UNC13C: variants seen among roughly 807,000 people sequenced by gnomAD.
The protein encoded by UNC13C is unc-13 homolog C.
UNC13C carries 174 observed loss-of-function variants against 245.4 expected under a neutral mutation model. The observed-to-expected ratio is 0.71, with a 90% CI of 0.63 to 0.80. The LOEUF (loss-of-function observed/expected upper bound fraction) is 0.80. Ranked by LOEUF, UNC13C falls within the 30% of genes least tolerant of loss-of-function variation. UNC13C has a pLI of 0.00. For missense variants in UNC13C, 2,829 were observed against 2,602.9 expected (o/e 1.09, Z -1.89); for synonymous variants, 992 against 895.1 (o/e 1.11, Z -1.93).
At chr15:54,472,627 C>A (rs371551093) in intron 19 of UNC13C, among the ~76,000 whole-genome samples, 52 of 151,884 alleles carry the variant, frequency 3.4e-4, no homozygotes, top group African/African-American at 1.1e-3. Flanking sequence ...ATTTATCACT[C>A]CTTCCTTTTT....
intron 1 of UNC13C, among the ~76,000 whole-genome samples, chr15:54,012,299 T>C (rs1292875509): frequency 6.6e-6 from 1 of 152,122 alleles, no homozygotes; most frequent in Non-Finnish European, 1.5e-5. Context: ...AAACATGATA[T>C]TAGGAAAGAA....
At chr15:54,449,332 G>T (rs1241593434) in intron 19 of UNC13C, among the ~76,000 whole-genome samples, 1 of 152,122 alleles carries the variant, frequency 6.6e-6, no homozygotes, top group East Asian at 1.9e-4. Context: ...GCCTTGCTAG[G>T]TTGGGGAAGT....
chr15:53,915,348 A>T, the UNC13C span, among the ~76,000 whole-genome samples: 1 of 152,250 alleles, frequency 6.6e-6, no homozygotes, highest in Admixed American at 6.5e-5. Context: ...ATGAAAACTT[A>T]AAAAATAACA....
At chr15:54,224,650 G>C (rs1343374509) in intron 4 of UNC13C, among the ~76,000 whole-genome samples, 2 of 152,028 alleles carry the variant, frequency 1.3e-5, no homozygotes, top group African/African-American at 4.8e-5. Context: ...GGGTAATACT[G>C]GTGTTATAGA....
At position 54,455,164 on chromosome 15, in the gene UNC13C, C is replaced by CCTCTCTCTCTCTCTCTCTGT. The variant is rs1567288652; in HGVS notation, c.4934-39426_4934-39425insGTCTCTCTCTCTCTCTCTCT. On this transcript the variant is annotated intron_variant, in intron 19 of 32. Transcript: ENST00000260323. ...TTCCTTTCTATGGCTGAGTCATATTCCTCTCTCTCTCTCTCTCTCTCTCTC... is the reference window on the plus strand; with the variant it reads ...TTCCTTTCTATGGCTGAGTCATATTCCTCTCTCTCTCTCTCTCTGTCTCTCTCTCTCTCTCTCTCTCTCTC... Among the ~76,000 whole-genome samples, 53 of 17,520 alleles carry CCTCTCTCTCTCTCTCTCTGT rather than the reference C, an allele frequency of 3.0e-3. 5 individuals carry two copies. The highest frequency in any genetic ancestry group is 0.018 in the Admixed American group (20 of 1,118). The allele number at this position is 17,520 out of a possible 152,430, so 11.5% of individuals were successfully genotyped here.
chr15:54,372,160 T>A (rs544040197), intron 17 of UNC13C, among the ~76,000 whole-genome samples: 2 of 152,274 alleles, frequency 1.3e-5, no homozygotes, highest in South Asian at 2.1e-4. Flanking sequence ...CTTGATTTAG[T>A]CATTCTGCAG....
chr15:54,238,373 C>T (rs1281564984), intron 7 of UNC13C, among the ~76,000 whole-genome samples: 2 of 151,966 alleles, frequency 1.3e-5, no homozygotes, highest in East Asian at 1.9e-4. Context: ...ACACCCGGCC[C>T]TTTTATAGCA....
chr15:53,890,525 A>T, the UNC13C span, among the ~76,000 whole-genome samples: 1 of 152,180 alleles, frequency 6.6e-6, no homozygotes, highest in African/African-American at 2.4e-5. Flanking sequence ...ACTACTAATT[A>T]CTGCCTCGAT....
chr15:54,172,760 A>C (rs1020419155), intron 4 of UNC13C, among the ~76,000 whole-genome samples: 28 of 101,642 alleles, frequency 2.8e-4, no homozygotes, highest in East Asian at 9.0e-4. Context: ...ATATATATAT[A>C]TCTTTACTCT....
At chr15:53,939,214 A>G in the UNC13C span, among the ~76,000 whole-genome samples, 4 of 152,226 alleles carry the variant, frequency 2.6e-5, no homozygotes, top group Admixed American at 2.6e-4. Context: ...AAACACCTCT[A>G]TGTACCTACA....
At chr15:54,076,879 T>G (rs1270510119) in intron 2 of UNC13C, among the ~76,000 whole-genome samples, 1 of 152,240 alleles carries the variant, frequency 6.6e-6, no homozygotes, top group African/African-American at 2.4e-5. Flanking sequence ...GAACTTAACA[T>G]TATCAGATTG....
chr15:53,986,607 G>GT (rs1566932652), intron 1 of UNC13C, among the ~76,000 whole-genome samples: 1 of 151,928 alleles, frequency 6.6e-6, no homozygotes, highest in African/African-American at 2.4e-5. Flanking sequence ...ACTAGATATG[G>GT]TTTTTAAAAA....
intron 25 of UNC13C, 73 bp from the exon 26 acceptor site, chr15:54,532,844 C>T (rs1159552110): frequency 9.7e-7 from 1 of 1,026,752 alleles, no homozygotes; most frequent in African/African-American, 1.6e-5. Context: ...GATCAAAATC[C>T]TCAGGGTGAA....
intron 10 of UNC13C, among the ~76,000 whole-genome samples, chr15:54,278,162 C>G (rs1475182799): frequency 6.6e-6 from 1 of 152,082 alleles, no homozygotes; most frequent in Non-Finnish European, 1.5e-5. Context: ...TTTGCTGTGC[C>G]TTTTTAAATA....
chr15:54,424,179 A>G (rs1358283739), intron 19 of UNC13C, among the ~76,000 whole-genome samples: 3 of 151,824 alleles, frequency 2.0e-5, no homozygotes, highest in Non-Finnish European at 2.9e-5. Context: ...CCAACAATGC[A>G]TGTAGATATG....
intron 2 of UNC13C, among the ~76,000 whole-genome samples, chr15:54,019,973 T>C (rs1319876248): frequency 6.6e-6 from 1 of 152,160 alleles, no homozygotes; most frequent in Non-Finnish European, 1.5e-5. Context: ...ATGTAATATA[T>C]GCCCTTTAAT....
At chr15:54,159,240 T>A (rs867753944) in intron 4 of UNC13C, among the ~76,000 whole-genome samples, 1 of 152,314 alleles carries the variant, frequency 6.6e-6, no homozygotes, top group South Asian at 2.1e-4. Flanking sequence ...GCTGATTCAA[T>A]AATTTCGAAG....
downstream of UNC13C, chr15:54,629,442 T>A (rs975788983): frequency 3.9e-5 from 6 of 151,948 alleles, no homozygotes; most frequent in East Asian, 5.8e-4. Flanking sequence ...TAAAAGTTTT[T>A]AAAAAAAAGT....
At chr15:54,114,604 T>G (rs1179724676) in intron 2 of UNC13C, among the ~76,000 whole-genome samples, 1 of 152,146 alleles carries the variant, frequency 6.6e-6, no homozygotes, top group Admixed American at 6.5e-5. Flanking sequence ...CAATAGGCAT[T>G]TATACCACAT....
Sources: gnomAD v4.1 joint callset for allele counts (sites outside exome capture counted in the v4.1 genomes callset) on GRCh38, gnomAD v4.1.1 for gene constraint, MANE v1.5 for transcripts, NCBI Gene and HGNC (gene_info 2026-07-23, HGNC 2026-07-21) for gene names.